The following NTRK3 variants were observed in gnomAD, a reference collection of about 807,000 sequenced individuals.
NTRK3 encodes the protein neurotrophic receptor tyrosine kinase 3.
NTRK3 carries 24 observed loss-of-function variants against 91.7 expected under a neutral mutation model. The observed-to-expected ratio is 0.26, with a 90% CI of 0.19 to 0.37. NTRK3 has a LOEUF of 0.37. Among genes scored for constraint, NTRK3 ranks in the 10% least tolerant of loss-of-function variants. The pLI is 1.00. For missense variants in NTRK3, 880 were observed against 1,068.9 expected (o/e 0.82, Z 2.46); for synonymous variants, 483 against 404.0 (o/e 1.20, Z -2.34).
At chr15:88,031,874 C>T (rs534455077) in intron 14 of NTRK3, among the ~76,000 whole-genome samples, 108 of 152,256 alleles carry the variant, frequency 7.1e-4, no homozygotes, top group Middle Eastern at 3.4e-3. Flanking sequence ...GCGCCTCTTC[C>T]TAGGCCCACC....
chr15:87,894,695 C>A (rs1567079335), intron 17 of NTRK3, among the ~76,000 whole-genome samples: 1 of 152,136 alleles, frequency 6.6e-6, no homozygotes, highest in African/African-American at 2.4e-5. Context: ...TTTCTCACTG[C>A]CCCCCTTCTC....
chr15:88,067,366 T>C (rs1052118358), intron 13 of NTRK3, among the ~76,000 whole-genome samples: 5 of 152,256 alleles, frequency 3.3e-5, no homozygotes, highest in African/African-American at 1.2e-4. Context: ...TCTATTTAGA[T>C]AGAATATCTA....
intron 17 of NTRK3, among the ~76,000 whole-genome samples, chr15:87,883,416 T>C (rs954321603): frequency 6.0e-5 from 9 of 149,098 alleles, no homozygotes; most frequent in Admixed American, 4.7e-4. Flanking sequence ...TATATATATA[T>C]ATAAAGAGTA....
intron 17 of NTRK3, among the ~76,000 whole-genome samples, chr15:87,905,756 C>T (rs530085672): frequency 2.0e-5 from 3 of 152,186 alleles, no homozygotes; most frequent in Non-Finnish European, 4.4e-5. Flanking sequence ...AGACACCATG[C>T]ATGGTCCCTC....
intron 13 of NTRK3, among the ~76,000 whole-genome samples, chr15:88,058,056 G>C (rs2045884539): frequency 6.6e-6 from 1 of 152,206 alleles, no homozygotes; most frequent in South Asian, 2.1e-4. Context: ...CTCTGGGTGA[G>C]ATCTCACTGG....
chr15:88,058,525 A>G (rs1437938981), intron 13 of NTRK3, among the ~76,000 whole-genome samples: 1 of 152,164 alleles, frequency 6.6e-6, no homozygotes, highest in African/African-American at 2.4e-5. Flanking sequence ...TCCTTTCCAG[A>G]AAGACCCCTA....
At chr15:87,916,379 C>T (rs1438662491) in intron 17 of NTRK3, 1 of 553,972 alleles carries the variant, frequency 1.8e-6, no homozygotes, top group Non-Finnish European at 3.2e-6. Context: ...TCCGTAAGGG[C>T]CCTCCACAGG....
exon 19 of NTRK3, chr15:87,873,666 A>G (rs1596041109): frequency 8.6e-6 from 2 of 232,000 alleles, no homozygotes; most frequent in African/African-American, 4.4e-5. Context: ...GGCTAATAGG[A>G]TGTCATTTCA....
At chr15:87,921,194 C>G (rs960981490) in intron 17 of NTRK3, among the ~76,000 whole-genome samples, 4 of 152,156 alleles carry the variant, frequency 2.6e-5, no homozygotes, top group African/African-American at 9.7e-5. Context: ...TTGTTCTCCT[C>G]TATATAAATA....
chr15:87,889,459 C>T (rs943767442), intron 17 of NTRK3, among the ~76,000 whole-genome samples: 2 of 130,368 alleles, frequency 1.5e-5, no homozygotes, highest in Non-Finnish European at 3.0e-5. Flanking sequence ...GGCTGGAGTG[C>T]AGTGGCAGGA....
At chr15:88,080,440 G>C (rs1395465994) in intron 13 of NTRK3, among the ~76,000 whole-genome samples, 2 of 152,084 alleles carry the variant, frequency 1.3e-5, no homozygotes, top group African/African-American at 4.8e-5. Flanking sequence ...ATGTTTCTTT[G>C]ATCCCTACTT....
At chr15:88,046,069 G>C (rs2080159050) in intron 13 of NTRK3, among the ~76,000 whole-genome samples, 1 of 152,164 alleles carries the variant, frequency 6.6e-6, no homozygotes, top group Non-Finnish European at 1.5e-5. Context: ...CTAATCTTCA[G>C]CACCCAGGCT....
At chr15:87,946,867 G>A (rs8033918) in intron 14 of NTRK3, among the ~76,000 whole-genome samples, 35,019 of 143,626 alleles carry the variant, frequency 0.24, 5,591 homozygotes, top group African/African-American at 0.44. Context: ...TCTGTCTTTC[G>A]TGGGTTCTTT....
At chr15:88,143,294 G>C (rs2042567436) in intron 6 of NTRK3, among the ~76,000 whole-genome samples, 1 of 152,224 alleles carries the variant, frequency 6.6e-6, no homozygotes, top group Non-Finnish European at 1.5e-5. Context: ...GCAGGCACGT[G>C]AGATGGAGTC....
rs2052249325 is a variant in NTRK3, at chr15:88,240,569, G to C, written c.248+15337C>G. ...AGGAGGCTGGGGCTGGCAGGAAATG[G>C]AAAGGGGTCTGTAATACAGGGCTGC... is the stretch of plus-strand genomic sequence containing the variant. On this transcript the variant is annotated intron_variant, in intron 3 of 18. Transcript: ENST00000394480. This position sits in a 1 kb window ranked among gnomAD's most constrained non-coding sequence, Gnocchi z 4.9. Among the ~76,000 whole-genome samples, 1 of 152,176 alleles carries C rather than the reference G, an allele frequency of 6.6e-6. No individual in the cohort carries two copies. The highest frequency in any genetic ancestry group is 1.5e-5 in the Non-Finnish European group (1 of 68,032).
chr15:87,974,064 T>C (rs1290664987), intron 14 of NTRK3, among the ~76,000 whole-genome samples: 1 of 152,132 alleles, frequency 6.6e-6, no homozygotes, highest in African/African-American at 2.4e-5. Flanking sequence ...AACCCTCCCT[T>C]GCTGCCTCAC....
intron 14 of NTRK3, among the ~76,000 whole-genome samples, chr15:87,965,928 A>G (rs1342383134): frequency 1.3e-5 from 2 of 151,952 alleles, no homozygotes; most frequent in Non-Finnish European, 2.9e-5. Flanking sequence ...AAATACAAAA[A>G]TCTGCCAGGT....
intron 3 of NTRK3, among the ~76,000 whole-genome samples, chr15:88,217,795 G>C: frequency 6.7e-6 from 1 of 148,916 alleles, no homozygotes; most frequent in South Asian, 2.1e-4. Flanking sequence ...GTCTCACTCT[G>C]TCGCCCAGGC....
At chr15:87,931,797 A>C (rs960320667) in intron 16 of NTRK3, among the ~76,000 whole-genome samples, 4 of 152,190 alleles carry the variant, frequency 2.6e-5, no homozygotes, top group Non-Finnish European at 5.9e-5. Context: ...TTGCCCCTCA[A>C]AACCACGACA....
Sources: gnomAD v4.1 joint callset for allele counts (sites outside exome capture counted in the v4.1 genomes callset) on GRCh38, gnomAD v4.1.1 for gene constraint, Gnocchi (gnomAD v3.1) non-coding constraint, MANE v1.5 for transcripts, NCBI Gene and HGNC (gene_info 2026-07-23, HGNC 2026-07-21) for gene names.